HSPG2: variants seen among roughly 807,000 people sequenced by gnomAD.
The protein encoded by HSPG2 is heparan sulfate proteoglycan 2, also known as basement membrane-specific heparan sulfate proteoglycan core protein.
HSPG2 carries 278 observed loss-of-function variants against 526.6 expected under a neutral mutation model. The ratio of observed to expected loss-of-function variants is 0.53; its 90% confidence interval spans 0.48 to 0.58. HSPG2 has a LOEUF of 0.58. HSPG2 is among the 20% of genes least tolerant of loss of function. HSPG2 has a pLI of 0.00. For synonymous variants in HSPG2, 2,465 were observed against 2,555.4 expected, an observed-to-expected ratio of 0.96 and a Z score of 1.07; for missense variants, 5,354 against 6,099.5, an observed-to-expected ratio of 0.88 and a Z score of 4.07.
chr1:21,874,361 T>A (rs373230550), intron 28 of HSPG2, 45 bp downstream of exon 28: 62 of 1,608,636 alleles, frequency 3.9e-5, no homozygotes, highest in Middle Eastern at 4.5e-4. Flanking sequence ...GAGCGGGTGG[T>A]AGACATTTCA....
At chr1:21,896,409 C>A (rs979746099) in intron 1 of HSPG2, 99 bp from the exon 2 acceptor site, 1 of 1,426,376 alleles carries the variant, frequency 7.0e-7, no homozygotes, top group Admixed American at 1.7e-5. Context: ...ATCCCACCTT[C>A]AGGCCCCTTA....
Position 21,861,770 on chromosome 1 carries a change from G to C in HSPG2, c.4942C>G (p.Gln1648Glu). Residue 1648 changes from glutamine (Q) to glutamate (E), a missense_variant, in exon 39 of 97, where the codon CAG becomes GAG. Physicochemically the swap from Gln to Glu is conservative, Grantham distance 29. Transcript: ENST00000374695. ...CTACEPGYTG[Q>E]YCEQCGPGYV... ...TTACAAACTTACTGCTCACAGTACT[G>C]GCCAGTGTAGCCGGGTTCGCAGGCC... 1.9e-6 allele frequency: 3 copies of C among 1,613,972 alleles called. No individual in the cohort carries two copies. Among genetic ancestry groups the C allele is most frequent in the Non-Finnish European group, 2.5e-6 (3 of 1,179,964 alleles).
Position 21,839,333 on chromosome 1 carries a change from C to T in HSPG2, c.9889+38G>A. On this transcript the variant is annotated intron_variant, in intron 73 of 96. Transcript: ENST00000374695. This position sits in a 1 kb window ranked among gnomAD's most constrained non-coding sequence, Gnocchi z 4.5. ...TGGAGCCTAGTCGGGGGGCTCAGAT[C>T]TCCATTTGGTGCAGACAAAGAAGGG... 6.2e-7 allele frequency: 1 copy of T among 1,601,994 alleles called. No homozygotes were observed. Among genetic ancestry groups the T allele is most frequent in the Non-Finnish European group, 8.5e-7 (1 of 1,176,864 alleles).
chr1:21,929,543 G>A (rs917930746), intron 1 of HSPG2, among the ~76,000 whole-genome samples: 3 of 150,274 alleles, frequency 2.0e-5, no homozygotes, highest in African/African-American at 7.4e-5. Context: ...AAAGTGTGGG[G>A]ATTACAGGTG....
chr1:21,876,027 C>T lies in HSPG2; in HGVS notation c.3019G>A (p.Gly1007Arg). The T allele has an allele frequency of 6.2e-7, 1 of 1,614,012 alleles. No individual in the cohort carries two copies. The highest frequency in any genetic ancestry group is 8.5e-7 in the Non-Finnish European group (1 of 1,179,970). Reference protein sequence around the residue: ...FLGDKVTSYGGELRFTVTQRS... With the variant: ...FLGDKVTSYGRELRFTVTQRS... Reference sequence around the variant, plus strand: ...TGGGTCACTGTGAAGCGCAGCTCTCCTCCATAGGAGGTCACCTGGGACCAG... The same window carrying T: ...TGGGTCACTGTGAAGCGCAGCTCTCTTCCATAGGAGGTCACCTGGGACCAG... The change falls in exon 24 of 97, where the codon GGA becomes AGA. Residue 1007 changes from glycine to arginine, a missense_variant. Transcript: ENST00000374695.
chr1:21,879,358 C>G (rs1290528561), intron 17 of HSPG2, among the ~76,000 whole-genome samples: 1 of 152,224 alleles, frequency 6.6e-6, no homozygotes, highest in Non-Finnish European at 1.5e-5. Context: ...ACCTGCCACC[C>G]TCTTCCAATC....
At chr1:21,823,985 G>A in intron 95 of HSPG2, 136 bp downstream of exon 95, 1 of 934,580 alleles carries the variant, frequency 1.1e-6, no homozygotes, top group South Asian at 1.4e-5. Flanking sequence ...GCCCTGGCTG[G>A]TGGGTTCTCC....
chr1:21,855,725 G>T lies in HSPG2; in HGVS notation c.5702-50C>A, dbSNP rs1031054671. The T allele has an allele frequency of 5.0e-6, 8 of 1,601,036 alleles. No homozygotes were observed. The African/African-American group carries it at 8.0e-5, about 16-fold the overall frequency. Reference sequence around the variant, plus strand: ...ACCCACCAAGCCTGCTCAGAGTCCTGCCCCTCCCCTCCCACACCCAGGAGA... The same window carrying T: ...ACCCACCAAGCCTGCTCAGAGTCCTTCCCCTCCCCTCCCACACCCAGGAGA... On this transcript the variant is annotated intron_variant, in intron 45 of 96. Transcript: ENST00000374695.
At position 21,893,145 on chromosome 1, in the gene HSPG2, G is replaced by T. The variant is rs1027389263; in HGVS notation, c.245-2451C>A. Among the ~76,000 whole-genome samples, 1 of 152,202 alleles carries T rather than the reference G, an allele frequency of 6.6e-6. No homozygotes were observed. Among genetic ancestry groups the T allele is most frequent in the African/African-American group, 2.4e-5 (1 of 41,456 alleles). On this transcript the variant is annotated intron_variant, in intron 3 of 96. Transcript: ENST00000374695. This position sits in a 1 kb window ranked among gnomAD's most constrained non-coding sequence, Gnocchi z 4.3. ...TCCTGATTCCCATCCCTGCTCAACA[G>T]AACTCTCTGCAACACACCCAGGCCC... is the stretch of plus-strand genomic sequence containing the variant.
chr1:21,876,617 A>G lies in HSPG2; in HGVS notation c.2721T>C (p.Ala907=). The change falls in exon 22 of 97, where the codon GCT becomes GCC. Residue 907 remains alanine, a synonymous_variant. Transcript: ENST00000374695. ...GGGTACTCAGGTGGAAAGAGCCGTC[A>G]GCACATTCATTGCACAAGCGCCCCA... is the stretch of plus-strand genomic sequence containing the variant. ...NVVGRLCNEC[A]DGSFHLSTRN... is the part of the protein sequence containing the mutation. 4 of 1,614,248 alleles carry G rather than the reference A, an allele frequency of 2.5e-6. No homozygotes were observed. Among genetic ancestry groups the G allele is most frequent in the Non-Finnish European group, 2.5e-6 (3 of 1,180,038 alleles).
rs1473715003 is a variant in HSPG2 at position 21,864,114 on chromosome 1, T to C, written c.4726A>G (p.Thr1576Ala). The change falls in exon 37 of 97, where the codon ACT becomes GCT. Residue 1576 changes from threonine (T) to alanine (A), a missense_variant. Physicochemically the swap from Thr to Ala is moderately conservative, Grantham distance 58 (BLOSUM62 0). Coordinates refer to ENST00000374695, the MANE Select transcript of HSPG2 (RefSeq NM_005529.7). This position sits in a 1 kb window ranked among gnomAD's most constrained non-coding sequence, Gnocchi z 4.8. ...NGHSDLCHPE[T>A]GACSQCQHNA... is the part of the protein sequence containing the mutation. ...TTGCAGCTCACCGAGCAGGCCCCAG[T>C]CTCTGGGTGGCACAGGTCTGAGTGG... The C allele has an allele frequency of 6.4e-7, 1 of 1,554,172 alleles. No individual in the cohort carries two copies. Among genetic ancestry groups the C allele is most frequent in the Non-Finnish European group, 8.7e-7 (1 of 1,148,764 alleles).
chr1:21,932,495 T>G (rs1160163522), intron 1 of HSPG2, among the ~76,000 whole-genome samples: 1 of 152,198 alleles, frequency 6.6e-6, no homozygotes, highest in East Asian at 1.9e-4. Context: ...GTGCTAAGCA[T>G]ACAGCAGTGA....
chr1:21,855,017 G>C (rs751121268), intron 47 of HSPG2, 34 bp from the exon 48 acceptor site: 1 of 1,608,608 alleles, frequency 6.2e-7, no homozygotes. Context: ...CTGCCCCAGA[G>C]GCAGCTGGAC....
intron 1 of HSPG2, chr1:21,908,347 A>G (rs894188084): frequency 1.3e-5 from 14 of 1,093,522 alleles, no homozygotes; most frequent in Admixed American, 8.5e-5. Flanking sequence ...TAAGGGCAAG[A>G]TTCTTGCCAA....
intron 44 of HSPG2, among the ~76,000 whole-genome samples, chr1:21,856,765 A>G (rs1639372244): frequency 6.6e-6 from 1 of 152,130 alleles, no homozygotes; most frequent in South Asian, 2.1e-4. Context: ...CCTGGCACTC[A>G]TCGCCATGTG....
intron 1 of HSPG2, among the ~76,000 whole-genome samples, chr1:21,933,978 C>T (rs1023535986): frequency 6.6e-6 from 1 of 152,206 alleles, no homozygotes; most frequent in South Asian, 2.1e-4. Flanking sequence ...CCCTCCTAGG[C>T]CCTGGAAAAC....
chr1:21,913,094 G>A (rs1400049631), intron 1 of HSPG2, among the ~76,000 whole-genome samples: 1 of 152,116 alleles, frequency 6.6e-6, no homozygotes, highest in Non-Finnish European at 1.5e-5. Context: ...GCAGATCCAG[G>A]ACCCAGCCTC....
chr1:21,839,188 G>C lies in HSPG2; in HGVS notation c.9890-103C>G. Reference sequence around the variant, plus strand: ...AGGGAAGCTGAATGGTGAGCCCAGAGGACTGGGGATAAGGAAAGCAAAGGT... The same window carrying C: ...AGGGAAGCTGAATGGTGAGCCCAGACGACTGGGGATAAGGAAAGCAAAGGT... On this transcript the variant is annotated intron_variant, in intron 73 of 96. Coordinates refer to ENST00000374695, the MANE Select transcript of HSPG2 (RefSeq NM_005529.7). The surrounding 1 kb of genome is among the most constrained non-coding windows in gnomAD (Gnocchi z 4.5). 1 of 1,489,132 alleles carries C rather than the reference G, an allele frequency of 6.7e-7. No homozygotes were observed. Among genetic ancestry groups the C allele is most frequent in the Non-Finnish European group, 9.1e-7 (1 of 1,097,314 alleles). 92.2% of individuals were successfully genotyped at this position (1,489,132 alleles called of 1,614,324 possible).
At chr1:21,840,050 G>T (rs1266772825) in intron 71 of HSPG2, 33 bp from the exon 72 acceptor site, 1 of 1,594,978 alleles carries the variant, frequency 6.3e-7, no homozygotes, top group Admixed American at 1.7e-5. Context: ...GTTATGTGGG[G>T]ACTCAGTGGG....
Sources: gnomAD v4.1 joint callset for allele counts (sites outside exome capture counted in the v4.1 genomes callset) on GRCh38, gnomAD v4.1.1 for gene constraint, Gnocchi (gnomAD v3.1) non-coding constraint, MANE v1.5 for transcripts, NCBI Gene and HGNC (gene_info 2026-07-23, HGNC 2026-07-21) for gene names.